Variants in AGAP1 observed in about 807,000 individuals in gnomAD.
The protein encoded by AGAP1 is ArfGAP with GTPase domain, ankyrin repeat and PH domain 1, also known as arf-GAP with GTPase, ANK repeat and PH domain-containing protein 1.
AGAP1 carries 29 observed loss-of-function variants against 105.3 expected under a neutral mutation model. The observed-to-expected ratio is 0.28, with a 90% CI of 0.21 to 0.38. AGAP1 has a LOEUF of 0.38. Among genes scored for constraint, AGAP1 ranks in the 10% least tolerant of loss-of-function variants. The pLI, the probability that AGAP1 is intolerant of heterozygous loss-of-function variation, is 1.00. For missense variants in AGAP1, 998 were observed against 1,165.1 expected (o/e 0.86, Z 2.09); for synonymous variants, 509 against 485.9 (o/e 1.05, Z -0.63).
chr2:235,616,151 A>G (rs1946300161), intron 1 of AGAP1, among the ~76,000 whole-genome samples: 1 of 152,154 alleles, frequency 6.6e-6, no homozygotes, highest in African/African-American at 2.4e-5. Flanking sequence ...TCACAAGGTG[A>G]AGAGATCAAG....
chr2:236,079,769 C>A (rs1530933), intron 16 of AGAP1, among the ~76,000 whole-genome samples: 17,277 of 151,910 alleles, frequency 0.11, 1,639 homozygotes, highest in African/African-American at 0.26. Context: ...GGAGGGAACC[C>A]CCATGCAAAG....
At chr2:235,636,137 A>AAATAAATG (rs780770078) in intron 1 of AGAP1, among the ~76,000 whole-genome samples, 14 of 151,714 alleles carry the variant, frequency 9.2e-5, no homozygotes, top group Admixed American at 5.9e-4. Context: ...ATAAATAAAT[A>AAATAAATG]AATAAATAAA....
intron 3 of AGAP1, among the ~76,000 whole-genome samples, chr2:235,722,788 C>G (rs936344500): frequency 6.6e-6 from 1 of 152,040 alleles, no homozygotes; most frequent in African/African-American, 2.4e-5. Flanking sequence ...GTGATGTTCT[C>G]CAGGGATGTC....
chr2:235,590,712 T>TGTGTGTGTGTGC (rs369129304), intron 1 of AGAP1, among the ~76,000 whole-genome samples: 26 of 117,046 alleles, frequency 2.2e-4, no homozygotes, highest in African/African-American at 6.6e-4. Flanking sequence ...TGTGTGTGTG[T>TGTGTGTGTGTGC]GCATTTTTTT....
intron 1 of AGAP1, among the ~76,000 whole-genome samples, chr2:235,515,190 T>C (rs923123387): frequency 2.6e-5 from 4 of 152,194 alleles, no homozygotes; most frequent in Admixed American, 2.6e-4. Context: ...AATCCCATTC[T>C]GGCTGACTCA....
rs1379732122 is a variant in AGAP1 at position 236,002,104 on chromosome 2, A to G, written c.1645+33481A>G. On this transcript the variant is annotated intron_variant, in intron 13 of 17. Transcript: ENST00000304032. The surrounding 1 kb of genome is among the most constrained non-coding windows in gnomAD (Gnocchi z 4.3). ...CATGGGTGAGAACAGAGAGTTTCTC[A>G]AGCGACATGCCAGGAAGAGCTGGCT... Among the ~76,000 whole-genome samples the G allele has an allele frequency of 1.3e-5, 2 of 152,208 alleles. No individual in the cohort carries two copies. Among genetic ancestry groups the G allele is most frequent in the Non-Finnish European group, 2.9e-5 (2 of 68,050 alleles).
intron 1 of AGAP1, among the ~76,000 whole-genome samples, chr2:235,652,855 G>T (rs926970510): frequency 3.3e-5 from 5 of 152,212 alleles, no homozygotes; most frequent in Middle Eastern, 3.4e-3. Context: ...CAATGAGTCA[G>T]CTACTCAGGA....
At chr2:236,037,385 A>C (rs1416575086) in intron 14 of AGAP1, 1 of 152,068 alleles carries the variant, frequency 6.6e-6, no homozygotes, top group Non-Finnish European at 1.5e-5. Context: ...TAGAAAAGGA[A>C]AAATATTTTA....
Position 235,994,465 on chromosome 2 carries a change from T to C in AGAP1, c.1645+25842T>C, listed in dbSNP as rs2055701732. On this transcript the variant is annotated intron_variant, in intron 13 of 17. Transcript: ENST00000304032. This position sits in a 1 kb window ranked among gnomAD's most constrained non-coding sequence, Gnocchi z 4.4. ...TGTGCCTCTTGGAGTTACTTGTTGA[T>C]AGGACAGCGTTAAGGGGGTCGTTTC... 1.3e-5 allele frequency among the ~76,000 whole-genome samples: 2 copies of C among 152,200 alleles called. No individual in the cohort carries two copies. Among genetic ancestry groups the C allele is most frequent in the Non-Finnish European group, 2.9e-5 (2 of 68,038 alleles).
intron 11 of AGAP1, among the ~76,000 whole-genome samples, chr2:235,925,981 TTGAG>T (rs1481830528): frequency 3.9e-5 from 6 of 152,198 alleles, no homozygotes; most frequent in East Asian, 1.9e-4. Context: ...CTCGAGTACT[TTGAG>T]TGAGAATACA....
At chr2:235,514,521 G>T (rs1942298829) in intron 1 of AGAP1, among the ~76,000 whole-genome samples, 1 of 152,208 alleles carries the variant, frequency 6.6e-6, no homozygotes, top group South Asian at 2.1e-4. Flanking sequence ...TTCCTGGCAG[G>T]CCACTTCCTC....
Position 235,736,470 on chromosome 2 carries a change from A to G in AGAP1, c.311-4493A>G, listed in dbSNP as rs968924121. On this transcript the variant is annotated intron_variant, in intron 3 of 17. Coordinates refer to ENST00000304032, the MANE Select transcript of AGAP1 (RefSeq NM_001037131.3). This position sits in a 1 kb window ranked among gnomAD's most constrained non-coding sequence, Gnocchi z 5.5. ...AAGCTGTGCACCAGGTGCTGGGAGG[A>G]TACCGGTGGGCGAACCAGACCTGCA... 6.6e-6 allele frequency among the ~76,000 whole-genome samples: 1 copy of G among 152,156 alleles called. No homozygotes were observed. Among genetic ancestry groups the G allele is most frequent in the African/African-American group, 2.4e-5 (1 of 41,448 alleles).
Position 235,962,047 on chromosome 2 carries a change from GT to G in AGAP1, c.1484-6411del, listed in dbSNP as rs1257411354. 8.7e-3 allele frequency among the ~76,000 whole-genome samples: 755 copies of G among 86,300 alleles called. 8 individuals are homozygous for G. The African/African-American group carries it at 0.1, about 12-fold the overall frequency. The allele number at this position is 86,300 out of a possible 152,430, so 56.6% of individuals were successfully genotyped here. ...TTCTGATGGATGCTTTTGGTTTTTG[GT>G]TTTGTTTTGTTTTGTTTTGTTTTGT... On this transcript the variant is annotated intron_variant, in intron 12 of 17. Transcript: ENST00000304032. The surrounding 1 kb of genome is among the most constrained non-coding windows in gnomAD (Gnocchi z 5.3).
At chr2:235,646,629 C>G (rs1031379754) in intron 1 of AGAP1, among the ~76,000 whole-genome samples, 1 of 152,198 alleles carries the variant, frequency 6.6e-6, no homozygotes, top group Non-Finnish European at 1.5e-5. Context: ...CCCTTGGGCC[C>G]CCGCCCCTAA....
chr2:235,925,855 C>G (rs1031731015), intron 11 of AGAP1, among the ~76,000 whole-genome samples: 13 of 152,128 alleles, frequency 8.5e-5, no homozygotes, highest in African/African-American at 3.1e-4. Flanking sequence ...GATCCTTACC[C>G]CTCAAGCAAT....
intron 16 of AGAP1, among the ~76,000 whole-genome samples, chr2:236,103,276 T>C (rs1454288494): frequency 6.6e-6 from 1 of 152,130 alleles, no homozygotes; most frequent in African/African-American, 2.4e-5. Flanking sequence ...TCACCCCGGG[T>C]GCCAAGCTCT....
chr2:235,753,225 G>A lies in AGAP1; in HGVS notation c.673+2737G>A, dbSNP rs1227081421. Among the ~76,000 whole-genome samples the A allele has an allele frequency of 1.3e-5, 2 of 152,090 alleles. No individual in the cohort carries two copies. Among genetic ancestry groups the A allele is most frequent in the Non-Finnish European group, 2.9e-5 (2 of 68,034 alleles). ...ATTTCGTTTTCTTCAGGTTGGGGGT[G>A]GCAAGAGGAGAATAAGGACTGATAT... is the stretch of plus-strand genomic sequence containing the variant. On this transcript the variant is annotated intron_variant, in intron 6 of 17. Coordinates refer to ENST00000304032, the MANE Select transcript of AGAP1 (RefSeq NM_001037131.3). The surrounding 1 kb of genome is among the most constrained non-coding windows in gnomAD (Gnocchi z 4.5).
At chr2:236,019,427 T>C (rs2056815115) in intron 13 of AGAP1, among the ~76,000 whole-genome samples, 2 of 152,230 alleles carry the variant, frequency 1.3e-5, no homozygotes, top group South Asian at 4.1e-4. Flanking sequence ...ACAGGTATCA[T>C]GGCCTGCGGG....
At position 235,633,142 on chromosome 2, in the gene AGAP1, A is replaced by G. The variant is rs1946882177; in HGVS notation, c.164-76037A>G. Among the ~76,000 whole-genome samples, 1 of 152,102 alleles carries G rather than the reference A, an allele frequency of 6.6e-6. No individual in the cohort carries two copies. Among genetic ancestry groups the G allele is most frequent in the Admixed American group, 6.5e-5 (1 of 15,268 alleles). ...ATGGCCCACATCCCTGTAACAAAAG[A>G]CAGGTTAACGAGAGAAAAGCATTAT... On this transcript the variant is annotated intron_variant, in intron 1 of 17. Transcript: ENST00000304032. The surrounding 1 kb of genome is among the most constrained non-coding windows in gnomAD (Gnocchi z 4.8).
Sources: gnomAD v4.1 joint callset for allele counts (sites outside exome capture counted in the v4.1 genomes callset) on GRCh38, gnomAD v4.1.1 for gene constraint, Gnocchi (gnomAD v3.1) non-coding constraint, MANE v1.5 for transcripts, NCBI Gene and HGNC (gene_info 2026-07-23, HGNC 2026-07-21) for gene names.